Variants in MAML2 observed in about 807,000 individuals in gnomAD.
MAML2 encodes the protein mastermind-like protein 2.
MAML2 carries 22 observed loss-of-function variants against 96.1 expected under a neutral mutation model. The ratio of observed to expected loss-of-function variants is 0.23; its 90% CI spans 0.16 to 0.33. The LOEUF is 0.33. Among genes scored for constraint, MAML2 ranks in the 10% least tolerant of loss-of-function variants. The probability of loss-of-function intolerance (pLI) is 1.00; values close to 1 mark genes in which losing one functional copy is unlikely to be tolerated. For missense variants in MAML2, 1,367 were observed against 1,392.4 expected, an observed-to-expected ratio of 0.98 and a Z score of 0.29; for synonymous variants, 561 against 521.3, an observed-to-expected ratio of 1.08 and a Z score of -1.04.
rs574146284 is a variant in MAML2 at position 96,025,571 on chromosome 11, T to C, written c.2140-33848A>G. On this transcript the variant is annotated intron_variant, in intron 2 of 4. Transcript: ENST00000524717. ...AGTGTAAATTATTGTTATTATTATT[T>C]GAGATGGAGTCTCGCTCTGTCGCCC... 3.2e-3 allele frequency among the ~76,000 whole-genome samples: 493 copies of C among 152,340 alleles called. 4 individuals carry two copies. Among genetic ancestry groups the C allele is most frequent in the South Asian group, 0.027 (130 of 4,820 alleles).
rs532388241 is a variant in MAML2 at position 96,268,605 on chromosome 11, C to T, written c.513+72778G>A. Among the ~76,000 whole-genome samples the T allele has an allele frequency of 2.6e-5, 4 of 152,296 alleles. No homozygotes were observed. In the South Asian group the frequency reaches 8.3e-4, roughly 32 times the overall value. On this transcript the variant is annotated intron_variant, in intron 1 of 4. Transcript: ENST00000524717. ...TGATATGGTTTGGCTGTGTCCCCAC[C>T]CAAATTGCATCTTGAATTGTAGTTC... is the stretch of plus-strand genomic sequence containing the variant.
At chr11:96,251,341 A>G (rs1862578909) in intron 1 of MAML2, among the ~76,000 whole-genome samples, 1 of 152,218 alleles carries the variant, frequency 6.6e-6, no homozygotes, top group South Asian at 2.1e-4. Flanking sequence ...TTGGTGATCT[A>G]CGGTACCATT....
Position 96,007,091 on chromosome 11 carries a change from C to T in MAML2, c.2140-15368G>A, listed in dbSNP as rs899159601. 2.0e-5 allele frequency among the ~76,000 whole-genome samples: 3 copies of T among 151,860 alleles called. No individual in the cohort carries two copies. In the East Asian group the frequency reaches 5.8e-4, roughly 29 times the overall value. ...GATCTCGGCCCACTGCAACCTCCCC[C>T]TCTTGAGTTCAAGTGATTCCCCTGC... On this transcript the variant is annotated intron_variant, in intron 2 of 4. Coordinates refer to ENST00000524717, the MANE Select transcript of MAML2 (RefSeq NM_032427.4).
intron 1 of MAML2, among the ~76,000 whole-genome samples, chr11:96,199,439 T>C (rs1262370973): frequency 6.6e-6 from 1 of 152,134 alleles, no homozygotes; most frequent in Non-Finnish European, 1.5e-5. Context: ...AAAATTTATG[T>C]ATTTTAACCT....
intron 2 of MAML2, among the ~76,000 whole-genome samples, chr11:96,087,771 C>G (rs1371641589): frequency 6.6e-6 from 1 of 152,210 alleles, no homozygotes; most frequent in Non-Finnish European, 1.5e-5. Context: ...ACTCTGGCAC[C>G]AGCCTAATTG....
chr11:96,316,042 T>C (rs181059066), intron 1 of MAML2, among the ~76,000 whole-genome samples: 8 of 152,306 alleles, frequency 5.3e-5, no homozygotes, highest in African/African-American at 1.9e-4. Flanking sequence ...AATGAGGGGA[T>C]CTCTGGTTCA....
intron 1 of MAML2, among the ~76,000 whole-genome samples, chr11:96,273,791 G>C (rs1862946072): frequency 6.6e-6 from 1 of 152,192 alleles, no homozygotes; most frequent in South Asian, 2.1e-4. Context: ...CAAGTAAGGA[G>C]ATAGCCAGCC....
chr11:96,037,852 T>G (rs1412344356), intron 2 of MAML2, among the ~76,000 whole-genome samples: 1 of 152,184 alleles, frequency 6.6e-6, no homozygotes, highest in Non-Finnish European at 1.5e-5. Context: ...CTCTTGATAT[T>G]TTAACTCCCA....
At chr11:96,258,324 A>G (rs1194738552) in intron 1 of MAML2, among the ~76,000 whole-genome samples, 2 of 152,262 alleles carry the variant, frequency 1.3e-5, no homozygotes, top group Non-Finnish European at 2.9e-5. Context: ...GGAGAAAACT[A>G]CGACAAAAAA....
chr11:96,095,619 A>C (rs968298172), intron 1 of MAML2, among the ~76,000 whole-genome samples: 5 of 152,222 alleles, frequency 3.3e-5, no homozygotes, highest in Non-Finnish European at 5.9e-5. Flanking sequence ...GAAAGAGAGA[A>C]AAATGAAGCA....
At chr11:96,231,429 T>C (rs568080351) in intron 1 of MAML2, among the ~76,000 whole-genome samples, 82 of 152,276 alleles carry the variant, frequency 5.4e-4, no homozygotes, top group African/African-American at 1.9e-3. Flanking sequence ...CCATTAAGGA[T>C]TTTATACTGG....
At chr11:96,254,265 A>G (rs966224359) in intron 1 of MAML2, among the ~76,000 whole-genome samples, 5 of 152,190 alleles carry the variant, frequency 3.3e-5, no homozygotes, top group African/African-American at 7.2e-5. Flanking sequence ...CACAAACCTC[A>G]GTAGTAGCAC....
At chr11:96,180,877 T>G (rs1256951571) in intron 1 of MAML2, among the ~76,000 whole-genome samples, 2 of 151,172 alleles carry the variant, frequency 1.3e-5, no homozygotes, top group African/African-American at 4.9e-5. Flanking sequence ...TTTATAGGAT[T>G]TGTATAGGTA....
chr11:96,287,972 G>A (rs956504741), intron 1 of MAML2, among the ~76,000 whole-genome samples: 5 of 152,154 alleles, frequency 3.3e-5, no homozygotes, highest in African/African-American at 1.2e-4. Context: ...AATCCCAAAA[G>A]GGCCCTACAT....
intron 1 of MAML2, among the ~76,000 whole-genome samples, chr11:96,220,109 A>G (rs1278190818): frequency 2.6e-5 from 4 of 152,136 alleles, no homozygotes. Flanking sequence ...CACAGTGTCC[A>G]TGCGTTATCA....
chr11:96,199,124 G>A (rs903885981), intron 1 of MAML2, among the ~76,000 whole-genome samples: 3 of 150,188 alleles, frequency 2.0e-5, no homozygotes, highest in Non-Finnish European at 3.0e-5. Flanking sequence ...TTGAACTTGG[G>A]AGGCAGAGTT....
chr11:96,198,780 T>C (rs1204662942), intron 1 of MAML2, among the ~76,000 whole-genome samples: 1 of 152,138 alleles, frequency 6.6e-6, no homozygotes, highest in Non-Finnish European at 1.5e-5. Flanking sequence ...TACTTTTGGC[T>C]GGTCACATAA....
At position 96,342,355 on chromosome 11, in the gene MAML2, T is replaced by C. The variant is rs143452744; in HGVS notation, c.-460A>G. On this transcript the variant is annotated 5_prime_UTR_variant, in exon 1 of 5. Coordinates refer to ENST00000524717, the MANE Select transcript of MAML2 (RefSeq NM_032427.4). ...TAGAGAGGACTCCCCCTCACCTAGTTGTTTCCGACAATTCTTTATGGGGAT... is the reference window on the plus strand; with the variant it reads ...TAGAGAGGACTCCCCCTCACCTAGTCGTTTCCGACAATTCTTTATGGGGAT... 3.8e-3 allele frequency: 1,505 copies of C among 399,974 alleles called. 28 individuals carry two copies. The highest frequency in any genetic ancestry group is 0.031 in the East Asian group (857 of 28,092). The allele number at this position is 399,974 out of a possible 1,614,324, so 24.8% of individuals were successfully genotyped here.
At chr11:96,078,598 A>G (rs968364655) in intron 2 of MAML2, among the ~76,000 whole-genome samples, 2 of 152,234 alleles carry the variant, frequency 1.3e-5, no homozygotes, top group Admixed American at 1.3e-4. Flanking sequence ...CGGAACAGGA[A>G]CGAAATGCTG....
Sources: gnomAD v4.1 joint callset for allele counts (sites outside exome capture counted in the v4.1 genomes callset) on GRCh38, gnomAD v4.1.1 for gene constraint, MANE v1.5 for transcripts, NCBI Gene and HGNC (gene_info 2026-07-23, HGNC 2026-07-21) for gene names.